PPCS: variants seen among roughly 807,000 people sequenced by gnomAD.
The protein encoded by PPCS is phosphopantothenate--cysteine ligase.
In PPCS, 17 loss-of-function variants were observed where a neutral mutation model predicts 24.6. That is an observed-to-expected ratio of 0.69 (90% CI 0.47 to 1.04). The LOEUF (loss-of-function observed/expected upper bound fraction) is 1.04. Among genes scored for constraint, PPCS ranks in the 50% least tolerant of loss-of-function variants. The probability of loss-of-function intolerance (pLI) is 0.00; values close to 1 mark genes in which losing one functional copy is unlikely to be tolerated. For synonymous variants in PPCS, 190 were observed against 168.3 expected, an observed-to-expected ratio of 1.13 and a Z score of -1.00; for missense variants, 360 against 402.8, an observed-to-expected ratio of 0.89 and a Z score of 0.91.
chr1:42,465,277 C>T (rs1643535226), downstream of PPCS, among the ~76,000 whole-genome samples: 1 of 152,182 alleles, frequency 6.6e-6, no homozygotes, highest in Admixed American at 6.5e-5. Context: ...CACCACTGCG[C>T]TCCAACCTGG....
chr1:42,465,704 T>G (rs1284248720), downstream of PPCS, among the ~76,000 whole-genome samples: 1 of 152,184 alleles, frequency 6.6e-6, no homozygotes, highest in Non-Finnish European at 1.5e-5. Context: ...GGTGGGGTTT[T>G]GCCCCCTGTG....
intron 1 of PPCS, 70 bp from the exon 2 acceptor site, chr1:42,457,177 C>G: frequency 1.2e-6 from 2 of 1,604,210 alleles, no homozygotes; most frequent in South Asian, 2.2e-5. Context: ...CTGGGGAACC[C>G]GAGTTGAGAA....
downstream of PPCS, among the ~76,000 whole-genome samples, chr1:42,465,733 G>A (rs1440175310): frequency 3.3e-5 from 5 of 152,138 alleles, no homozygotes; most frequent in East Asian, 1.9e-4. Context: ...GGCAATGTAC[G>A]TAAGCATTTT....
chr1:42,456,413 G>A, upstream of PPCS: 1 of 839,798 alleles, frequency 1.2e-6, no homozygotes, highest in Non-Finnish European at 1.8e-6. Context: ...GAACAACTAC[G>A]CATTTCCAGA....
Position 42,459,765 on chromosome 1 carries a change from A to G in PPCS, c.775A>G (p.Ile259Val). 1.9e-6 allele frequency: 3 copies of G among 1,614,216 alleles called. No individual in the cohort carries two copies. The highest frequency in any genetic ancestry group is 2.5e-6 in the Non-Finnish European group (3 of 1,180,032). The change falls in exon 3 of 3, where the codon ATC becomes GTC. Residue 259 changes from isoleucine (I) to valine (V), a missense_variant. This residue lies in a region of PPCS where 116 missense variants were observed against 168.1 expected (regional missense o/e 0.69). Transcript: ENST00000372561. ...IYQHQVVVANILESRQSFVFI... is the reference protein window; with the variant it reads ...IYQHQVVVANVLESRQSFVFI... ...TCAGCATCAAGTGGTGGTGGCTAAT[A>G]TCCTTGAGTCACGACAGTCCTTTGT... is the stretch of plus-strand genomic sequence containing the variant.
chr1:42,468,955 T>C (rs187874309), intron 2 of PPCS, among the ~76,000 whole-genome samples: 1 of 151,024 alleles, frequency 6.6e-6, no homozygotes, highest in Non-Finnish European at 1.5e-5. Context: ...CCAGGAAGCA[T>C]ACTGAGAAGG....
In PPCS at chr1:42,459,892, C is replaced by A. The variant is rs1643362836; in HGVS notation, c.902C>A (p.Ser301Tyr). 1.2e-6 allele frequency: 2 copies of A among 1,612,758 alleles called. No individual in the cohort carries two copies. Among genetic ancestry groups the A allele is most frequent in the African/African-American group, 2.7e-5 (2 of 74,822 alleles). ...IEEKIVDNLQSRHTAFIGDRN is the reference protein window; with the variant it reads ...IEEKIVDNLQYRHTAFIGDRN The stretch of plus-strand genomic sequence containing the variant: ...GAGAAGATAGTGGATAATCTTCAGT[C>A]TCGACACACAGCTTTTATAGGTGAC... Residue 301 changes from serine to tyrosine, a missense_variant, in exon 3 of 3, where the codon TCT becomes TAT. By Grantham distance (144) the Ser-to-Tyr change is moderately radical. Transcript: ENST00000372561.
intron 2 of PPCS, chr1:42,468,576 T>C (rs1464746400): frequency 2.6e-5 from 4 of 152,222 alleles, no homozygotes; most frequent in Admixed American, 2.0e-4. Context: ...ATAGTAAATA[T>C]TAAAGGACAC....
chr1:42,470,583 A>G (rs1326209202), intron 2 of PPCS, among the ~76,000 whole-genome samples: 1 of 152,248 alleles, frequency 6.6e-6, no homozygotes, highest in Non-Finnish European at 1.5e-5. Flanking sequence ...AGGTGAATGT[A>G]TAAATAAAAT....
In PPCS at chr1:42,456,807, T is replaced by G. The variant is rs2148415390; in HGVS notation, c.242T>G (p.Leu81Arg). The change falls in exon 1 of 3, where the codon CTG becomes CGG. Residue 81 changes from leucine to arginine, a missense_variant. Leu to Arg is a moderately radical substitution (Grantham distance 102). This residue lies in a region of PPCS where 244 missense variants were observed against 234.7 expected (regional missense o/e 1.04). Transcript: ENST00000372561. ...EAFLAAGYGV[L>R]FLYRARSAFP... ...TTCCTAGCCGCCGGCTACGGGGTCCTGTTCTTGTATCGCGCTCGCTCTGCC... is the reference window on the plus strand; with the variant it reads ...TTCCTAGCCGCCGGCTACGGGGTCCGGTTCTTGTATCGCGCTCGCTCTGCC... 1 of 1,613,390 alleles carries G rather than the reference T, an allele frequency of 6.2e-7. No homozygotes were observed. Among genetic ancestry groups the G allele is most frequent in the East Asian group, 2.2e-5 (1 of 44,868 alleles).
At chr1:42,458,866 A>G (rs1175727161) in intron 2 of PPCS, among the ~76,000 whole-genome samples, 1 of 152,230 alleles carries the variant, frequency 6.6e-6, no homozygotes, top group Non-Finnish European at 1.5e-5. Context: ...ACATGTGACA[A>G]TTTAAAAATG....
Position 42,456,869 on chromosome 1 carries a change from C to G in PPCS, c.304C>G (p.Leu102Val). ...YAHRFPPQTW[L>V]SALRPSGPAL... ...CCACCGCTTCCCACCCCAGACTTGG[C>G]TGTCCGCTCTGCGGCCTTCGGGCCC... The change falls in exon 1 of 3, where the codon CTG (leucine) becomes GTG (valine). Residue 102 changes from leucine (L) to valine (V), a missense_variant. This residue lies in a region of PPCS where 244 missense variants were observed against 234.7 expected (regional missense o/e 1.04). Transcript: ENST00000372561. 6.2e-7 allele frequency: 1 copy of G among 1,613,348 alleles called. No individual in the cohort carries two copies. Among genetic ancestry groups the G allele is most frequent in the Non-Finnish European group, 8.5e-7 (1 of 1,180,046 alleles).
Position 42,456,612 on chromosome 1 carries a change from C to A in PPCS, c.47C>A (p.Ala16Asp). 1 of 1,534,654 alleles carries A rather than the reference C, an allele frequency of 6.5e-7. No individual in the cohort carries two copies. The highest frequency in any genetic ancestry group is 1.3e-5 in the South Asian group (1 of 79,252). ...GCCGAGTTCCCCCAGCCTCCCGGTG[C>A]TGCGCGCTGGGCTGAGGTTATGGCT... The part of the protein sequence containing the change: ...PVAEFPQPPG[A>D]ARWAEVMARF... The change falls in exon 1 of 3, where the codon GCT becomes GAT. Residue 16 changes from alanine to aspartate, a missense_variant. Physicochemically the swap from Ala to Asp is moderately radical, Grantham distance 126. This residue lies in a region of PPCS where 244 missense variants were observed against 234.7 expected (regional missense o/e 1.04). Transcript: ENST00000372561.
At chr1:42,465,601 G>T (rs964026556), downstream of PPCS, among the ~76,000 whole-genome samples, 5 of 152,112 alleles carry the variant, frequency 3.3e-5, no homozygotes, top group Admixed American at 2.0e-4. Flanking sequence ...CTGACCCCAG[G>T]TGATCCGCCC....
Position 42,461,158 on chromosome 1 carries a change from A to C in PPCS, c.*1232A>C, listed in dbSNP as rs115571689. 6.6e-6 allele frequency among the ~76,000 whole-genome samples: 1 copy of C among 152,326 alleles called. No individual in the cohort carries two copies. The highest frequency in any genetic ancestry group is 2.1e-4 in the South Asian group (1 of 4,822). On this transcript the variant is annotated 3_prime_UTR_variant, in exon 3 of 3. Transcript: ENST00000372561. ...CTTAAAATACAATTCATGGTGTTTC[A>C]TGGAGTAGGGAAGGGTAGCCCCTGT...
chr1:42,472,889 G>A (rs1643816062), intron 2 of PPCS, among the ~76,000 whole-genome samples: 1 of 152,024 alleles, frequency 6.6e-6, no homozygotes, highest in African/African-American at 2.4e-5. Context: ...CTTTGTATGT[G>A]TATTGCCAGC....
rs1388454382 is a variant in PPCS, at chr1:42,459,816, A to AC, written c.828dup (p.Lys277GlnfsTer22). The stretch of plus-strand genomic sequence containing the variant: ...GTTTATTGTAACCAAAGACTCGGAA[A>AC]CCAAGTTATTGCTATCAGAGGAAGA... On this transcript the variant is annotated frameshift_variant, in exon 3 of 3. Transcript: ENST00000372561. LOFTEE classifies it high-confidence loss of function. 6.2e-7 allele frequency: 1 copy of AC among 1,614,114 alleles called. No individual in the cohort carries two copies. Among genetic ancestry groups the AC allele is most frequent in the Non-Finnish European group, 8.5e-7 (1 of 1,180,044 alleles).
Position 42,460,022 on chromosome 1 carries a change from TG to T in PPCS, c.*97del. On this transcript the variant is annotated 3_prime_UTR_variant, in exon 3 of 3. Coordinates refer to ENST00000372561, the MANE Select transcript of PPCS (RefSeq NM_024664.4). ...ATGGCTTTCATATGGACAGATAAAA[TG>T]AAAGAAAGGGAAAAGGCAGTGGTGT... 7 of 1,455,566 alleles carry T rather than the reference TG, an allele frequency of 4.8e-6. No individual in the cohort carries two copies. In the South Asian group the frequency reaches 1.0e-4, roughly 22 times the overall value. The allele number at this position is 1,455,566 out of a possible 1,614,324, so 90.2% of individuals were successfully genotyped here.
rs1368536249 is a variant in PPCS, at chr1:42,459,760, C to T, written c.770C>T (p.Ala257Val). Residue 257 changes from alanine (A) to valine (V), a missense_variant, in exon 3 of 3, where the codon GCT becomes GTT. Coordinates refer to ENST00000372561, the MANE Select transcript of PPCS (RefSeq NM_024664.4). ...ATTTATCAGCATCAAGTGGTGGTGG[C>T]TAATATCCTTGAGTCACGACAGTCC... ...LEIYQHQVVVANILESRQSFV... is the reference protein window; with the variant it reads ...LEIYQHQVVVVNILESRQSFV... The T allele has an allele frequency of 6.2e-7, 1 of 1,614,172 alleles. No individual in the cohort carries two copies. Among genetic ancestry groups the T allele is most frequent in the Non-Finnish European group, 8.5e-7 (1 of 1,180,032 alleles).
Sources: gnomAD v4.1 joint callset for allele counts (sites outside exome capture counted in the v4.1 genomes callset) on GRCh38, gnomAD v4.1.1 for gene constraint, gnomAD v4.1.1 regional missense constraint, MANE v1.5 for transcripts, NCBI Gene and HGNC (gene_info 2026-07-23, HGNC 2026-07-21) for gene names.